The following CDH8 variants were observed in gnomAD, a reference collection of about 807,000 sequenced individuals.
The protein encoded by CDH8 is cadherin-8.
Under a neutral mutation model 68.1 loss-of-function variants are expected in CDH8, and 17 were observed. The ratio of observed to expected loss-of-function variants is 0.25; its 90% CI spans 0.17 to 0.37. The LOEUF (loss-of-function observed/expected upper bound fraction) is 0.37, where lower values mean the gene tolerates loss of function less well. Ranked by LOEUF, CDH8 falls within the 10% of genes least tolerant of loss-of-function variation. The pLI is 1.00. For synonymous variants in CDH8, 372 were observed against 365.1 expected, an observed-to-expected ratio of 1.02 and a Z score of -0.21; for missense variants, 763 against 999.3, an observed-to-expected ratio of 0.76 and a Z score of 3.19.
chr16:61,781,264 G>C (rs1434036426), intron 8 of CDH8, among the ~76,000 whole-genome samples: 1 of 152,172 alleles, frequency 6.6e-6, no homozygotes, highest in African/African-American at 2.4e-5. Context: ...ACATTTTGCT[G>C]ATAACTCATA....
intron 3 of CDH8, 51 bp downstream of exon 3, chr16:61,901,128 C>A: frequency 6.9e-7 from 1 of 1,456,908 alleles, no homozygotes. Flanking sequence ...ATGCCAGGAG[C>A]TATTCTAAAG....
At chr16:61,736,887 A>C (rs1037272856) in intron 8 of CDH8, among the ~76,000 whole-genome samples, 1 of 152,222 alleles carries the variant, frequency 6.6e-6, no homozygotes, top group Non-Finnish European at 1.5e-5. Flanking sequence ...AACTTGATTA[A>C]CATTCATTAA....
intron 1 of CDH8, among the ~76,000 whole-genome samples, chr16:62,034,163 C>T (rs1902394679): frequency 6.7e-6 from 1 of 149,028 alleles, no homozygotes; most frequent in Admixed American, 6.7e-5. Context: ...CACTCCCAGC[C>T]CCCACCTCAT....
At chr16:61,890,675 T>C (rs1336489649) in intron 3 of CDH8, among the ~76,000 whole-genome samples, 1 of 152,168 alleles carries the variant, frequency 6.6e-6, no homozygotes, top group Non-Finnish European at 1.5e-5. Context: ...CTTTATGTAA[T>C]ATTCTATTAT....
At chr16:61,666,650 T>C (rs1053442648) in intron 10 of CDH8, among the ~76,000 whole-genome samples, 2 of 151,796 alleles carry the variant, frequency 1.3e-5, no homozygotes, top group African/African-American at 4.8e-5. Context: ...TTGCGAGAAA[T>C]GTTGCCTGAC....
intron 8 of CDH8, among the ~76,000 whole-genome samples, chr16:61,760,560 G>A (rs1021763151): frequency 3.3e-5 from 5 of 151,894 alleles, no homozygotes; most frequent in Admixed American, 6.6e-5. Flanking sequence ...TGATTCTCCC[G>A]CCTCAGCCTC....
At chr16:62,011,875 G>A (rs1163313931) in intron 2 of CDH8, among the ~76,000 whole-genome samples, 2 of 152,204 alleles carry the variant, frequency 1.3e-5, no homozygotes, top group African/African-American at 4.8e-5. Context: ...TAGAGAGCCA[G>A]TGCTGATGAG....
chr16:61,734,177 C>A lies in CDH8; in HGVS notation c.1415-6962G>T, dbSNP rs532801241. 1.2e-4 allele frequency among the ~76,000 whole-genome samples: 18 copies of A among 152,152 alleles called. No homozygotes were observed. The East Asian group carries it at 3.3e-3, about 28-fold the overall frequency. ...ACTGAGAGATATGAAGAAAAGCAGA[C>A]AGTTTTAGTGCAGCACATCACAGAG... is the stretch of plus-strand genomic sequence containing the variant. On this transcript the variant is annotated intron_variant, in intron 8 of 11. Transcript: ENST00000577390.
At chr16:61,869,092 C>T (rs920153935) in intron 3 of CDH8, among the ~76,000 whole-genome samples, 1 of 152,070 alleles carries the variant, frequency 6.6e-6, no homozygotes, top group African/African-American at 2.4e-5. Flanking sequence ...TGTATTTATT[C>T]AACATATTCC....
At chr16:61,678,598 T>C (rs900607610) in intron 10 of CDH8, among the ~76,000 whole-genome samples, 1 of 152,040 alleles carries the variant, frequency 6.6e-6, no homozygotes, top group African/African-American at 2.4e-5. Context: ...TACATAGGTA[T>C]ACACATGCCA....
Position 61,653,956 on chromosome 16 carries a change from A to G in CDH8, c.2052T>C (p.Thr684=). 6.2e-7 allele frequency: 1 copy of G among 1,614,204 alleles called. No individual in the cohort carries two copies. Among genetic ancestry groups the G allele is most frequent in the Non-Finnish European group, 8.5e-7 (1 of 1,180,036 alleles). ...CATTAATTCCATCTGGATTTTGTAA[A>G]GTTGCAATGTCAAAAGCCTCTGTGT... is the stretch of plus-strand genomic sequence containing the variant. ...EEDTEAFDIA[T]LQNPDGINGF... Residue 684 remains threonine, a synonymous_variant, in exon 12 of 12, where the codon ACT becomes ACC. Coordinates refer to ENST00000577390, the MANE Select transcript of CDH8 (RefSeq NM_001796.5).
intron 2 of CDH8, among the ~76,000 whole-genome samples, chr16:61,925,476 AAGG>A (rs1409015269): frequency 2.0e-5 from 3 of 152,220 alleles, no homozygotes; most frequent in Non-Finnish European, 4.4e-5. Flanking sequence ...ATGCTATCAG[AAGG>A]AGGAGAAACA....
At chr16:61,657,577 A>G (rs1236998373) in intron 10 of CDH8, among the ~76,000 whole-genome samples, 1 of 152,116 alleles carries the variant, frequency 6.6e-6, no homozygotes, top group Non-Finnish European at 1.5e-5. Flanking sequence ...CATTATCTCA[A>G]AACAGATATA....
At chr16:62,002,152 C>G (rs150205404) in intron 2 of CDH8, among the ~76,000 whole-genome samples, 90 of 152,048 alleles carry the variant, frequency 5.9e-4, no homozygotes, top group African/African-American at 2.0e-3. Flanking sequence ...AATAATTTGT[C>G]AACACTTCAG....
intron 8 of CDH8, among the ~76,000 whole-genome samples, chr16:61,766,255 A>C (rs1351381851): frequency 2.0e-5 from 3 of 151,820 alleles, no homozygotes; most frequent in Non-Finnish European, 4.4e-5. Context: ...TTGGTTTTCA[A>C]TTCCTGAGTT....
At chr16:61,917,577 C>T (rs11646959) in intron 2 of CDH8, among the ~76,000 whole-genome samples, 25,652 of 152,126 alleles carry the variant, frequency 0.17, 2,477 homozygotes, top group Middle Eastern at 0.24. Context: ...GAGATAGGCT[C>T]ATCATGAATC....
At chr16:61,692,784 A>C (rs1242756350) in intron 10 of CDH8, 1 of 152,104 alleles carries the variant, frequency 6.6e-6, no homozygotes, top group Non-Finnish European at 1.5e-5. Context: ...GTTAAAGTCT[A>C]AAATATGTAA....
chr16:61,970,204 T>C (rs188497518), intron 2 of CDH8, among the ~76,000 whole-genome samples: 1 of 152,340 alleles, frequency 6.6e-6, no homozygotes, highest in East Asian at 1.9e-4. Flanking sequence ...CTTAATGTGC[T>C]GATGTAGAAG....
At chr16:61,781,415 A>G (rs1961051156) in intron 8 of CDH8, among the ~76,000 whole-genome samples, 1 of 152,082 alleles carries the variant, frequency 6.6e-6, no homozygotes, top group Non-Finnish European at 1.5e-5. Flanking sequence ...CAACATGGTG[A>G]GACCCTGTTT....
Sources: gnomAD v4.1 joint callset for allele counts (sites outside exome capture counted in the v4.1 genomes callset) on GRCh38, gnomAD v4.1.1 for gene constraint, MANE v1.5 for transcripts, NCBI Gene and HGNC (gene_info 2026-07-23, HGNC 2026-07-21) for gene names.